Variants in CLSPN observed in about 807,000 individuals in gnomAD.
CLSPN encodes the protein claspin, also known as claspin homolog.
CLSPN carries 85 observed loss-of-function variants against 156.3 expected under a neutral mutation model. The ratio of observed to expected loss-of-function variants is 0.54; its 90% CI spans 0.46 to 0.65. CLSPN has a LOEUF of 0.65. Among genes scored for constraint, CLSPN ranks in the 30% least tolerant of loss-of-function variants. The probability of loss-of-function intolerance (pLI) is 0.00; values close to 1 mark genes in which losing one functional copy is unlikely to be tolerated. For synonymous variants in CLSPN, 534 were observed against 542.4 expected (o/e 0.98, Z 0.22); for missense variants, 1,407 against 1,554.9 (o/e 0.90, Z 1.60).
chr1:35,728,114 C>T (rs542737988), downstream of CLSPN, among the ~76,000 whole-genome samples: 118 of 135,942 alleles, frequency 8.7e-4, 1 homozygote, highest in African/African-American at 3.1e-3. Flanking sequence ...GAGGCAGTCT[C>T]ACTCTGTCAC....
At position 35,738,441 on chromosome 1, in the gene CLSPN, A is replaced by G. The variant is rs746901758; in HGVS notation, c.3558+14T>C. 1.2e-6 allele frequency: 2 copies of G among 1,613,250 alleles called. No homozygotes were observed. Among genetic ancestry groups the G allele is most frequent in the South Asian group, 2.2e-5 (2 of 91,008 alleles). The stretch of plus-strand genomic sequence containing the variant: ...CAGTCTCATAAACTAGGGTCAGAGT[A>G]GGTGAACTCCTACCATGTCCCGAAG... On this transcript the variant is annotated intron_variant, in intron 21 of 24. Transcript: ENST00000318121.
At chr1:35,720,939 T>G (rs765356519) in exon 25 of CLSPN, 2 of 1,612,136 alleles carry the variant, frequency 1.2e-6, no homozygotes, top group Middle Eastern at 3.3e-4. Context: ...GGATAGGAGC[T>G]CCACTCCAGG....
chr1:35,769,709 G>A (rs1404607034), intron 1 of CLSPN, 138 bp downstream of exon 1: 2 of 745,242 alleles, frequency 2.7e-6, no homozygotes, highest in East Asian at 6.2e-5. Flanking sequence ...CGAGGCCGCG[G>A]GAGCCGGCGC....
At chr1:35,743,604 TA>T (rs1641773456) in intron 16 of CLSPN, 74 bp from the exon 17 acceptor site, 27 of 1,244,834 alleles carry the variant, frequency 2.2e-5, no homozygotes, top group Admixed American at 4.1e-5. Context: ...AGTTATGAAT[TA>T]AAAAAAATTT....
rs11339039 is a variant in CLSPN at position 35,740,421 on chromosome 1, C to CTT, written c.3144-894_3144-893dup. Among the ~76,000 whole-genome samples, 16 of 142,330 alleles carry CTT rather than the reference C, an allele frequency of 1.1e-4. No homozygotes were observed. In the East Asian group the frequency reaches 1.5e-3, roughly 13 times the overall value. The allele number at this position is 142,330 out of a possible 152,430, so 93.4% of individuals were successfully genotyped here. A position where few individuals can be genotyped will look rare whatever the true frequency, so the allele number is the denominator to read the frequency against. On this transcript the variant is annotated intron_variant, in intron 18 of 24. Coordinates refer to ENST00000318121, the MANE Select transcript of CLSPN (RefSeq NM_022111.4). ...ATCGAAGACCTATACTGTATTTTCT[C>CTT]TTTTTTTTTTTTTTTGAGATGAAGT...
intron 1 of CLSPN, among the ~76,000 whole-genome samples, chr1:35,768,731 T>C: frequency 6.6e-6 from 1 of 152,022 alleles, no homozygotes; most frequent in East Asian, 1.9e-4. Flanking sequence ...CTCTCAACAA[T>C]CCAAAGCAGT....
Position 35,761,087 on chromosome 1 carries a change from G to C in CLSPN, c.1004+9C>G. On this transcript the variant is annotated intron_variant, in intron 7 of 24. Coordinates refer to ENST00000318121, the MANE Select transcript of CLSPN (RefSeq NM_022111.4). ...CATGAAAATTATAATAAGGAAAGAG[G>C]GTTCTTACTTCAATAGTGCCATGGC... The C allele has an allele frequency of 6.4e-7, 1 of 1,567,562 alleles. No homozygotes were observed. Among genetic ancestry groups the C allele is most frequent in the South Asian group, 1.1e-5 (1 of 89,680 alleles).
At chr1:35,756,205 G>C (rs562265476) in intron 8 of CLSPN, among the ~76,000 whole-genome samples, 1 of 152,278 alleles carries the variant, frequency 6.6e-6, no homozygotes, top group African/African-American at 2.4e-5. Flanking sequence ...GAGACAAGCT[G>C]TAAGTCTGCC....
chr1:35,733,383 G>C lies in CLSPN; in HGVS notation c.*3113C>G. 1.7e-6 allele frequency: 1 copy of C among 573,572 alleles called. No homozygotes were observed. The highest frequency in any genetic ancestry group is 2.2e-6 in the Non-Finnish European group (1 of 463,078). 35.5% of individuals were successfully genotyped at this position (573,572 alleles called of 1,614,324 possible). The stretch of plus-strand genomic sequence containing the variant: ...TTTCCCAGGCTGGTCTCGAACTCCT[G>C]AGTTCAAGCAATGCACCCACCTCAG... On this transcript the variant is annotated 3_prime_UTR_variant, in exon 25 of 25. Transcript: ENST00000318121.
In CLSPN at chr1:35,739,604, AAC is replaced by A. The variant is rs1259843662; in HGVS notation, c.3144-77_3144-76del. ...AGAATATGGAAGCAAAGAAAAGCAGAACAGAGTCACTTCTAATAATAATAAAC... is the reference window on the plus strand; with the variant it reads ...AGAATATGGAAGCAAAGAAAAGCAGAAGAGTCACTTCTAATAATAATAAAC... On this transcript the variant is annotated intron_variant, in intron 18 of 24. Coordinates refer to ENST00000318121, the MANE Select transcript of CLSPN (RefSeq NM_022111.4). 4 of 1,106,860 alleles carry A rather than the reference AAC, an allele frequency of 3.6e-6. No homozygotes were observed. In the African/African-American group the frequency reaches 4.7e-5, roughly 13 times the overall value. The allele number at this position is 1,106,860 out of a possible 1,614,324, so 68.6% of individuals were successfully genotyped here. A position where few individuals can be genotyped will look rare whatever the true frequency, so the allele number is the denominator to read the frequency against.
At chr1:35,723,247 A>C (rs1302384168) in intron 24 of CLSPN, among the ~76,000 whole-genome samples, 1 of 152,222 alleles carries the variant, frequency 6.6e-6, no homozygotes, top group Non-Finnish European at 1.5e-5. Context: ...AGTGGCAAGG[A>C]CACAGAAACC....
At chr1:35,755,347 ACCT>A (rs1432385119) in intron 8 of CLSPN, among the ~76,000 whole-genome samples, 1 of 150,970 alleles carries the variant, frequency 6.6e-6, no homozygotes, top group Non-Finnish European at 1.5e-5. Context: ...GCTCACTGTA[ACCT>A]CCACCTCCTG....
rs1641373487 is a variant in CLSPN, at chr1:35,733,544, G to A, written c.*2952C>T. On this transcript the variant is annotated 3_prime_UTR_variant, in exon 25 of 25. Coordinates refer to ENST00000318121, the MANE Select transcript of CLSPN (RefSeq NM_022111.4). Reference sequence around the variant, plus strand: ...GAGGGAAGAAATATCTAGCCTTCCTGCTCAGTTCTCTTTTGCCCAGCAAGG... The same window carrying A: ...GAGGGAAGAAATATCTAGCCTTCCTACTCAGTTCTCTTTTGCCCAGCAAGG... The A allele has an allele frequency of 1.0e-6, 1 of 985,226 alleles. No homozygotes were observed. Among genetic ancestry groups the A allele is most frequent in the Admixed American group, 6.2e-5 (1 of 16,256 alleles). 61.0% of individuals were successfully genotyped at this position (985,226 alleles called of 1,614,324 possible).
At position 35,732,935 on chromosome 1, in the gene CLSPN, C is replaced by A. The variant is rs1251651971; in HGVS notation, c.*3561G>T. The stretch of plus-strand genomic sequence containing the variant: ...TTTCTTTCTCCAAAGAGTGCTTTCT[C>A]CCAGGAGCCTCAATCAGAAACCATT... On this transcript the variant is annotated 3_prime_UTR_variant, in exon 25 of 25. Transcript: ENST00000318121. 1 of 985,358 alleles carries A rather than the reference C, an allele frequency of 1.0e-6. No individual in the cohort carries two copies. 61.0% of individuals were successfully genotyped at this position (985,358 alleles called of 1,614,324 possible).
chr1:35,759,829 C>CTTTTT (rs530890885), intron 8 of CLSPN, among the ~76,000 whole-genome samples: 22 of 128,270 alleles, frequency 1.7e-4, no homozygotes, highest in Non-Finnish European at 3.0e-4. Context: ...TATCAACAAC[C>CTTTTT]TTTTTTTTTT....
rs1642499128 is a variant in CLSPN, at chr1:35,762,074, A to T, written c.823-4T>A. ...TTAATCTGGCTGCCTTTCTTTCCTTAAAGAAAACAAGAAGTGAGACTACAT... is the reference window on the plus strand; with the variant it reads ...TTAATCTGGCTGCCTTTCTTTCCTTTAAGAAAACAAGAAGTGAGACTACAT... On this transcript the variant is annotated splice_polypyrimidine_tract_variant and splice_region_variant and intron_variant, in intron 5 of 24. Coordinates refer to ENST00000318121, the MANE Select transcript of CLSPN (RefSeq NM_022111.4). 6.3e-7 allele frequency: 1 copy of T among 1,598,408 alleles called. No individual in the cohort carries two copies. The highest frequency in any genetic ancestry group is 1.1e-5 in the South Asian group (1 of 90,532).
In CLSPN at chr1:35,738,016, T is replaced by C; in HGVS notation, c.3640A>G (p.Thr1214Ala). The C allele has an allele frequency of 6.7e-7, 1 of 1,495,758 alleles. No individual in the cohort carries two copies. The highest frequency in any genetic ancestry group is 1.5e-5 in the South Asian group (1 of 67,964). 92.7% of individuals were successfully genotyped at this position (1,495,758 alleles called of 1,614,324 possible). ...CCATTCTTCTGCAGTGCTTTGGCTG[T>C]AACTTTCTTGGCCAGTATCATAAAC... is the stretch of plus-strand genomic sequence containing the variant. Reference protein sequence around the residue: ...SQFMILAKKVTAKALQKNASR... With the variant: ...SQFMILAKKVAAKALQKNASR... The change falls in exon 22 of 25, where the codon ACA becomes GCA. Residue 1214 changes from threonine to alanine, a missense_variant. Transcript: ENST00000318121.
At chr1:35,730,837 C>T (rs535606345), downstream of CLSPN, among the ~76,000 whole-genome samples, 22 of 151,534 alleles carry the variant, frequency 1.5e-4, no homozygotes, top group African/African-American at 3.6e-4. Context: ...TCACTCCAGC[C>T]GGGGCGACAG....
chr1:35,737,284 T>A, intron 23 of CLSPN, 55 bp downstream of exon 23: 1 of 1,477,806 alleles, frequency 6.8e-7, no homozygotes, highest in Non-Finnish European at 9.5e-7. Context: ...AAGCTGGACC[T>A]GGGCCTTTAT....
Sources: gnomAD v4.1 joint callset for allele counts (sites outside exome capture counted in the v4.1 genomes callset) on GRCh38, gnomAD v4.1.1 for gene constraint, MANE v1.5 for transcripts, NCBI Gene and HGNC (gene_info 2026-07-23, HGNC 2026-07-21) for gene names.